Variants in STAG1 observed in about 807,000 individuals in gnomAD.
The protein encoded by STAG1 is cohesin subunit SA-1.
STAG1 carries 26 observed loss-of-function variants against 170.9 expected under a neutral mutation model. The observed-to-expected ratio is 0.15, with a 90% confidence interval of 0.11 to 0.21. The LOEUF is 0.21. STAG1 is among the 10% of genes least tolerant of loss of function. STAG1 has a pLI of 1.00. For synonymous variants in STAG1, 514 were observed against 497.7 expected (o/e 1.03, Z -0.44); for missense variants, 964 against 1,509.5 (o/e 0.64, Z 5.99).
chr3:136,349,807 T>C (rs543800595), intron 28 of STAG1, among the ~76,000 whole-genome samples: 1 of 152,174 alleles, frequency 6.6e-6, no homozygotes, highest in Non-Finnish European at 1.5e-5. Context: ...TACCGTAATT[T>C]AAAGTATTTG....
At chr3:136,717,270 T>C (rs1345031348) in intron 1 of STAG1, among the ~76,000 whole-genome samples, 8 of 152,232 alleles carry the variant, frequency 5.3e-5, no homozygotes, top group Non-Finnish European at 1.2e-4. Flanking sequence ...GAGCTGCCTA[T>C]ATAGATCAGA....
chr3:136,671,717 C>T (rs1424027702), intron 1 of STAG1, among the ~76,000 whole-genome samples: 1 of 151,760 alleles, frequency 6.6e-6, no homozygotes, highest in Non-Finnish European at 1.5e-5. Context: ...ATGGTGAAAC[C>T]CCATTTCTAC....
intron 9 of STAG1, among the ~76,000 whole-genome samples, chr3:136,498,207 A>AT: frequency 4.5e-5 from 1 of 22,244 alleles, no homozygotes; most frequent in African/African-American, 1.5e-4. Flanking sequence ...AAAAAAAAAA[A>AT]AATTATATAT....
In STAG1 at chr3:136,625,013, T is replaced by C. The variant is rs550701378; in HGVS notation, c.30-1765A>G. Among the ~76,000 whole-genome samples the C allele has an allele frequency of 3.3e-5, 5 of 152,338 alleles. No individual in the cohort carries two copies. The East Asian group carries it at 9.6e-4, about 29-fold the overall frequency. On this transcript the variant is annotated intron_variant, in intron 2 of 33. Transcript: ENST00000383202. ...AAGTTAACTTTTTAAAACAGATATG[T>C]TGTGTTTAGCTACCTTGCAAAATTC...
chr3:136,580,812 C>T (rs368898217), intron 4 of STAG1, among the ~76,000 whole-genome samples: 2 of 151,858 alleles, frequency 1.3e-5, no homozygotes, highest in African/African-American at 4.8e-5. Context: ...GGATTACAGG[C>T]GTGAGCCACC....
intron 1 of STAG1, among the ~76,000 whole-genome samples, chr3:136,720,760 G>A (rs1468734444): frequency 6.6e-6 from 1 of 151,832 alleles, no homozygotes; most frequent in Non-Finnish European, 1.5e-5. Flanking sequence ...TTGTACTCCA[G>A]TCTGGGTGAC....
intron 13 of STAG1, among the ~76,000 whole-genome samples, chr3:136,453,357 C>T (rs1400054487): frequency 6.6e-6 from 1 of 151,932 alleles, no homozygotes; most frequent in Non-Finnish European, 1.5e-5. Flanking sequence ...TTTGGGAGGC[C>T]GAGGCAGGCA....
chr3:136,525,630 TC>T (rs1310581723), intron 6 of STAG1, among the ~76,000 whole-genome samples: 7 of 152,232 alleles, frequency 4.6e-5, no homozygotes, highest in African/African-American at 1.7e-4. Flanking sequence ...TTTCTTGCTT[TC>T]TGCTAGCTTT....
intron 4 of STAG1, among the ~76,000 whole-genome samples, chr3:136,578,068 G>A (rs1937515289): frequency 6.6e-6 from 1 of 152,108 alleles, no homozygotes; most frequent in Admixed American, 6.6e-5. Flanking sequence ...TCCACAAGAG[G>A]GCCCAGAGGC....
At chr3:136,440,701 T>C (rs1421478017) in intron 15 of STAG1, among the ~76,000 whole-genome samples, 3 of 151,926 alleles carry the variant, frequency 2.0e-5, no homozygotes, top group Non-Finnish European at 2.9e-5. Flanking sequence ...AGAAACAGAA[T>C]GTGTAAGCCG....
intron 1 of STAG1, among the ~76,000 whole-genome samples, chr3:136,730,518 T>C (rs1933952002): frequency 6.6e-6 from 1 of 152,174 alleles, no homozygotes; most frequent in South Asian, 2.1e-4. Flanking sequence ...TGCTGTGTTG[T>C]TTAATTATTA....
chr3:136,468,959 A>G (rs2089549100), intron 12 of STAG1, among the ~76,000 whole-genome samples: 2 of 152,214 alleles, frequency 1.3e-5, no homozygotes, highest in African/African-American at 4.8e-5. Flanking sequence ...AAAACTCTCA[A>G]TACATTAGGT....
intron 10 of STAG1, among the ~76,000 whole-genome samples, chr3:136,475,590 G>C (rs1230282744): frequency 6.6e-6 from 1 of 152,110 alleles, no homozygotes; most frequent in Non-Finnish European, 1.5e-5. Context: ...TGGGATTCTG[G>C]GATTGGATTA....
intron 5 of STAG1, among the ~76,000 whole-genome samples, chr3:136,566,781 T>C (rs1388111091): frequency 5.3e-5 from 8 of 152,174 alleles, no homozygotes; most frequent in African/African-American, 1.9e-4. Context: ...AAATAAGGTA[T>C]ACATAAAATT....
intron 21 of STAG1, among the ~76,000 whole-genome samples, chr3:136,413,268 A>T (rs1277057426): frequency 6.7e-6 from 1 of 148,348 alleles, no homozygotes; most frequent in Non-Finnish European, 1.5e-5. Context: ...CGTATATTAC[A>T]TATCGTATAC....
intron 1 of STAG1, among the ~76,000 whole-genome samples, chr3:136,637,302 A>C (rs1277765958): frequency 6.6e-6 from 1 of 152,250 alleles, no homozygotes; most frequent in Non-Finnish European, 1.5e-5. Context: ...AGCAATTCAC[A>C]CGAAAAGATA....
chr3:136,586,929 A>AG (rs1559893687), intron 4 of STAG1: 4 of 454,588 alleles, frequency 8.8e-6, no homozygotes, highest in African/African-American at 2.0e-5. Context: ...TGAAGGCTCT[A>AG]GGGGTAAGAA....
intron 12 of STAG1, among the ~76,000 whole-genome samples, chr3:136,469,604 T>C (rs911919262): frequency 1.3e-5 from 2 of 152,230 alleles, no homozygotes; most frequent in Admixed American, 6.5e-5. Flanking sequence ...AAGCTACCAA[T>C]GACTTTCTTC....
Position 136,417,990 on chromosome 3 carries a change from G to A in STAG1, c.2109-18C>T, listed in dbSNP as rs142331721. 2,561 of 1,566,528 alleles carry A rather than the reference G, an allele frequency of 1.6e-3. 6 individuals are homozygous for A. Among genetic ancestry groups the A allele is most frequent in the Middle Eastern group, 1.8e-3 (11 of 5,982 alleles). ...CATGTGCACTGAAATAAACAAAAAT[G>A]CATCTGTTTTATTCTAGAATGGAAG... is the stretch of plus-strand genomic sequence containing the variant. On this transcript the variant is annotated intron_variant, in intron 20 of 33. Coordinates refer to ENST00000383202, the MANE Select transcript of STAG1 (RefSeq NM_005862.3).
Sources: allele counts gnomAD v4.1 joint callset (sites outside exome capture counted in the v4.1 genomes callset), GRCh38; gene constraint gnomAD v4.1.1; transcripts MANE v1.5; gene names NCBI Gene and HGNC (gene_info 2026-07-23, HGNC 2026-07-21).